The following FKBP5 variants were observed in gnomAD, a reference collection of about 807,000 sequenced individuals.
FKBP5 encodes the protein FKBP prolyl isomerase 5, also known as peptidyl-prolyl cis-trans isomerase FKBP5.
In FKBP5, 23 loss-of-function variants were observed where a neutral mutation model predicts 50.5. The ratio of observed to expected loss-of-function variants is 0.46; its 90% CI spans 0.33 to 0.65. The LOEUF (loss-of-function observed/expected upper bound fraction) is 0.65, where lower values mean the gene tolerates loss of function less well. FKBP5 is among the 30% of genes least tolerant of loss of function. The pLI is 0.02. For missense variants in FKBP5, 411 were observed against 553.1 expected (o/e 0.74, Z 2.58); for synonymous variants, 176 against 190.6 (o/e 0.92, Z 0.63).
At chr6:35,596,619 A>G (rs750406934) in intron 6 of FKBP5, among the ~76,000 whole-genome samples, 6 of 152,308 alleles carry the variant, frequency 3.9e-5, no homozygotes, top group Non-Finnish European at 7.4e-5. Flanking sequence ...TTCTCAAGAC[A>G]GAAGAGTTGG....
intron 5 of FKBP5, among the ~76,000 whole-genome samples, chr6:35,615,288 C>T (rs1763616645): frequency 6.6e-6 from 1 of 151,916 alleles, no homozygotes; most frequent in Non-Finnish European, 1.5e-5. Context: ...ATGATGATAT[C>T]CCATAGCAGG....
intron 7 of FKBP5, among the ~76,000 whole-genome samples, chr6:35,589,128 A>ATATATTTT (rs1427010607): frequency 7.4e-5 from 9 of 121,542 alleles, no homozygotes; most frequent in African/African-American, 2.9e-4. Context: ...ATATATATAT[A>ATATATTTT]TTTTTTTTTT....
chr6:35,577,330 G>T, intron 9 of FKBP5, 97 bp from the exon 10 acceptor site: 2 of 1,160,316 alleles, frequency 1.7e-6, no homozygotes, highest in East Asian at 2.4e-5. Flanking sequence ...TGGAAAAAGT[G>T]TATTTAAAAA....
At chr6:35,625,213 A>G in intron 3 of FKBP5, among the ~76,000 whole-genome samples, 1 of 152,030 alleles carries the variant, frequency 6.6e-6, no homozygotes, top group East Asian at 1.9e-4. Flanking sequence ...ACTCCCAAGT[A>G]GCTGGGATTA....
At chr6:35,578,411 A>ACGACAAAT (rs929899281) in intron 9 of FKBP5, among the ~76,000 whole-genome samples, 1 of 152,158 alleles carries the variant, frequency 6.6e-6, no homozygotes, top group African/African-American at 2.4e-5. Flanking sequence ...TAGAAAGGAG[A>ACGACAAAT]CGACAAATCT....
At chr6:35,671,335 C>T (rs1299665270) in intron 1 of FKBP5, among the ~76,000 whole-genome samples, 1 of 151,246 alleles carries the variant, frequency 6.6e-6, no homozygotes, top group Non-Finnish European at 1.5e-5. Flanking sequence ...ACTGACAAAT[C>T]TAGCCAAAAT....
chr6:35,712,578 C>T (rs1368226046), intron 2 of FKBP5, among the ~76,000 whole-genome samples: 3 of 152,192 alleles, frequency 2.0e-5, no homozygotes, highest in African/African-American at 7.2e-5. Context: ...CTACCTGCCC[C>T]TTCACAGCAA....
chr6:35,610,272 A>G (rs1312962025), intron 5 of FKBP5, among the ~76,000 whole-genome samples: 2 of 152,154 alleles, frequency 1.3e-5, no homozygotes, highest in Non-Finnish European at 2.9e-5. Flanking sequence ...ATTTGTTTTA[A>G]AAGTTCAAAA....
chr6:35,706,149 C>G (rs1037527934), intron 2 of FKBP5, among the ~76,000 whole-genome samples: 1 of 150,990 alleles, frequency 6.6e-6, no homozygotes. Context: ...AGGGGCCAGG[C>G]GCAGTGGCTC....
At chr6:35,693,224 G>A (rs149722227), upstream of FKBP5, among the ~76,000 whole-genome samples, 3,828 of 133,498 alleles carry the variant, frequency 0.029, 113 homozygotes, top group African/African-American at 0.07. Context: ...GTGCAGTGGC[G>A]CGATCTCAGC....
intron 5 of FKBP5, 101 bp downstream of exon 5, chr6:35,618,995 C>T (rs1763743201): frequency 1.1e-5 from 9 of 785,954 alleles, no homozygotes; most frequent in Non-Finnish European, 1.9e-5. Context: ...TGCGCACAGC[C>T]GATATATTCA....
chr6:35,728,177 A>G (rs1212029403), intron 1 of FKBP5, among the ~76,000 whole-genome samples: 2 of 152,198 alleles, frequency 1.3e-5, no homozygotes, highest in Non-Finnish European at 2.9e-5. Flanking sequence ...CTGACTCAGC[A>G]GCTGGGTAAG....
rs143605801 is a variant in FKBP5 at position 35,642,801 on chromosome 6, C to G, written c.24G>C (p.Lys8Asn). Reference sequence around the variant, plus strand: ...TGGCTGTGGGGCTTTCTTCATTGTTCTTGGCACCTTCATCAGTAGTCATTG... The same window carrying G: ...TGGCTGTGGGGCTTTCTTCATTGTTGTTGGCACCTTCATCAGTAGTCATTG... Reference protein sequence around the residue: MTTDEGAKNNEESPTATV... With the variant: MTTDEGANNNEESPTATV... Residue 8 changes from lysine (K) to asparagine (N), a missense_variant, in exon 2 of 11, where the codon AAG becomes AAC. This residue lies in a region of FKBP5 where 56 missense variants were observed against 58.2 expected (regional missense o/e 0.96). Coordinates refer to ENST00000357266, the MANE Select transcript of FKBP5 (RefSeq NM_004117.4). The G allele has an allele frequency of 6.2e-7, 1 of 1,613,852 alleles. No homozygotes were observed.
rs35101873 is a variant in FKBP5 at position 35,610,567 on chromosome 6, C to CAAAAA, written c.508+8524_508+8528dup. ...TGAGTGACAGAGCAAGACTCCGTCT[C>CAAAAA]AAAAAAAAAAAAAAAAAAAAAAAAG... is the stretch of plus-strand genomic sequence containing the variant. On this transcript the variant is annotated intron_variant, in intron 5 of 10. Coordinates refer to ENST00000357266, the MANE Select transcript of FKBP5 (RefSeq NM_004117.4). 1.3e-3 allele frequency among the ~76,000 whole-genome samples: 74 copies of CAAAAA among 58,566 alleles called. 2 individuals are homozygous for CAAAAA. Among genetic ancestry groups the CAAAAA allele is most frequent in the Admixed American group, 2.1e-3 (7 of 3,276 alleles). The allele number at this position is 58,566 out of a possible 152,430, so 38.4% of individuals were successfully genotyped here. A position where few individuals can be genotyped will look rare whatever the true frequency, so the allele number is the denominator to read the frequency against.
intron 1 of FKBP5, among the ~76,000 whole-genome samples, chr6:35,652,240 C>T (rs1265509682): frequency 1.3e-5 from 2 of 152,056 alleles, no homozygotes; most frequent in Non-Finnish European, 2.9e-5. Context: ...GTTAAGTACA[C>T]AAATTGTACA....
At chr6:35,611,977 A>G (rs983268516) in intron 5 of FKBP5, among the ~76,000 whole-genome samples, 3 of 152,168 alleles carry the variant, frequency 2.0e-5, no homozygotes, top group Admixed American at 6.5e-5. Context: ...TTTAGATAAG[A>G]TTACTATTAA....
At chr6:35,652,661 T>C (rs1423175401) in intron 1 of FKBP5, among the ~76,000 whole-genome samples, 1 of 152,202 alleles carries the variant, frequency 6.6e-6, no homozygotes, top group African/African-American at 2.4e-5. Flanking sequence ...TCAATGACAA[T>C]GGTGCCCGAA....
intron 2 of FKBP5, among the ~76,000 whole-genome samples, chr6:35,696,605 G>A (rs776963368): frequency 6.6e-6 from 1 of 151,916 alleles, no homozygotes; most frequent in African/African-American, 2.4e-5. Flanking sequence ...AAGACTTAAC[G>A]TTGTTAAAAA....
At chr6:35,679,658 A>C (rs1003213087) in intron 1 of FKBP5, among the ~76,000 whole-genome samples, 1 of 152,228 alleles carries the variant, frequency 6.6e-6, no homozygotes, top group Non-Finnish European at 1.5e-5. Context: ...ATTCTAAGTG[A>C]ACTAACTCAG....
Sources: allele counts gnomAD v4.1 joint callset (sites outside exome capture counted in the v4.1 genomes callset), GRCh38; gene constraint gnomAD v4.1.1; regional missense constraint gnomAD v4.1.1; transcripts MANE v1.5; gene names NCBI Gene and HGNC (gene_info 2026-07-23, HGNC 2026-07-21).